ZBTB20: variants seen among roughly 807,000 people sequenced by gnomAD.
ZBTB20 encodes zinc finger and BTB domain containing 20, also known as zinc finger and BTB domain-containing protein 20.
A neutral mutation model predicts 56.9 loss-of-function variants in ZBTB20; 9 were observed. The ratio of observed to expected loss-of-function variants is 0.16; its 90% CI spans 0.10 to 0.28. The LOEUF is 0.28. Among genes scored for constraint, ZBTB20 ranks in the 10% least tolerant of loss-of-function variants. The pLI is 1.00. For synonymous variants in ZBTB20, 417 were observed against 420.7 expected, an observed-to-expected ratio of 0.99 and a Z score of 0.11; for missense variants, 655 against 1,003.0, an observed-to-expected ratio of 0.65 and a Z score of 4.69.
chr3:115,039,291 C>G (rs1471966415), intron 2 of ZBTB20, among the ~76,000 whole-genome samples: 2 of 151,872 alleles, frequency 1.3e-5, no homozygotes, highest in African/African-American at 4.8e-5. Flanking sequence ...TAGAAAGAAT[C>G]AAGGGTATTA....
intron 3 of ZBTB20, among the ~76,000 whole-genome samples, chr3:114,923,647 T>A (rs1371207477): frequency 6.6e-6 from 1 of 152,122 alleles, no homozygotes; most frequent in Non-Finnish European, 1.5e-5. Flanking sequence ...TCCTTGACAT[T>A]GGTCTTGGCA....
intron 2 of ZBTB20, among the ~76,000 whole-genome samples, chr3:115,048,202 G>C (rs1202827113): frequency 6.6e-6 from 1 of 152,130 alleles, no homozygotes; most frequent in African/African-American, 2.4e-5. Context: ...TCCAGCCTGG[G>C]CGACAGAGCG....
chr3:114,832,695 T>G (rs1035014521), intron 4 of ZBTB20, among the ~76,000 whole-genome samples: 3 of 152,172 alleles, frequency 2.0e-5, no homozygotes, highest in Non-Finnish European at 4.4e-5. Flanking sequence ...CTAATTTTTT[T>G]AAATGCACAA....
rs926301242 is a variant in ZBTB20, at chr3:114,324,667, A to C, written c.*14338T>G. On this transcript the variant is annotated 3_prime_UTR_variant, in exon 12 of 12. Transcript: ENST00000675478. ...AGTGAATTATTACAGCAAAATTAAG[A>C]GTCTGCATTGTACCTCTTCTTGTGT... 1.3e-5 allele frequency: 2 copies of C among 152,220 alleles called. No individual in the cohort carries two copies. The highest frequency in any genetic ancestry group is 2.9e-5 in the Non-Finnish European group (2 of 68,032). 9.4% of individuals were successfully genotyped at this position (152,220 alleles called of 1,614,324 possible).
chr3:115,125,807 A>G (rs1003528269), intron 1 of ZBTB20, among the ~76,000 whole-genome samples: 3 of 152,226 alleles, frequency 2.0e-5, no homozygotes, highest in Non-Finnish European at 2.9e-5. Context: ...ATAATGTTGT[A>G]CATTAATGCA....
chr3:114,906,205 T>C (rs911145824), intron 3 of ZBTB20, among the ~76,000 whole-genome samples: 1 of 151,748 alleles, frequency 6.6e-6, no homozygotes, highest in Non-Finnish European at 1.5e-5. Flanking sequence ...AGTTCAAAAA[T>C]ATGAGCAGTA....
At chr3:114,546,789 C>G (rs2049940981) in intron 6 of ZBTB20, among the ~76,000 whole-genome samples, 2 of 151,988 alleles carry the variant, frequency 1.3e-5, no homozygotes, top group African/African-American at 4.8e-5. Flanking sequence ...ACTTATAGAC[C>G]AACACAAAAG....
At chr3:114,522,534 C>A (rs1219771888) in intron 6 of ZBTB20, among the ~76,000 whole-genome samples, 1 of 152,140 alleles carries the variant, frequency 6.6e-6, no homozygotes, top group Non-Finnish European at 1.5e-5. Flanking sequence ...AAGCATCACT[C>A]TGGCTATCAT....
At chr3:114,699,241 C>T (rs755279004) in intron 5 of ZBTB20, among the ~76,000 whole-genome samples, 1 of 152,024 alleles carries the variant, frequency 6.6e-6, no homozygotes, top group East Asian at 1.9e-4. Flanking sequence ...TCCATGGACA[C>T]ATTCTAAAGA....
intron 4 of ZBTB20, among the ~76,000 whole-genome samples, chr3:114,883,916 CTTTTTTTTT>C (rs869141975): frequency 5.6e-5 from 5 of 89,774 alleles, no homozygotes; most frequent in East Asian, 3.9e-4. Flanking sequence ...ATGGTGTGTT[CTTTTTTTTT>C]TTTTTTTTTT....
At position 114,402,269 on chromosome 3, in the gene ZBTB20, CAA is replaced by C. The variant is rs1206573019; in HGVS notation, c.-254-13166_-254-13165del. Among the ~76,000 whole-genome samples, 3 of 152,114 alleles carry C rather than the reference CAA, an allele frequency of 2.0e-5. 1 individual carries two copies. In the South Asian group the frequency reaches 6.2e-4, roughly 32 times the overall value. ...AAGGAGTGATGAGATGGTTATATGT[CAA>C]AATGGCTGTTCTCCCTCCAAACAGG... On this transcript the variant is annotated intron_variant, in intron 7 of 11. Coordinates refer to ENST00000675478, the MANE Select transcript of ZBTB20 (RefSeq NM_001348800.3).
chr3:114,867,997 G>A (rs907995835), intron 4 of ZBTB20, among the ~76,000 whole-genome samples: 2 of 152,090 alleles, frequency 1.3e-5, no homozygotes, highest in African/African-American at 4.8e-5. Flanking sequence ...GGCCAGTATC[G>A]TAACTTCACG....
chr3:114,326,901 G>C lies in ZBTB20; in HGVS notation c.*12104C>G. On this transcript the variant is annotated 3_prime_UTR_variant, in exon 12 of 12. Coordinates refer to ENST00000675478, the MANE Select transcript of ZBTB20 (RefSeq NM_001348800.3). ...TCCTAAGCTATATTTGTAAATTCTAGAGCTACATATCTGTAAAATAAGATG... is the reference window on the plus strand; with the variant it reads ...TCCTAAGCTATATTTGTAAATTCTACAGCTACATATCTGTAAAATAAGATG... 1 of 152,186 alleles carries C rather than the reference G, an allele frequency of 6.6e-6. No individual in the cohort carries two copies. The highest frequency in any genetic ancestry group is 1.5e-5 in the Non-Finnish European group (1 of 68,000). The allele number at this position is 152,186 out of a possible 1,614,324, so 9.4% of individuals were successfully genotyped here. A position where few individuals can be genotyped will look rare whatever the true frequency, so the allele number is the denominator to read the frequency against.
At chr3:114,515,093 T>A (rs923401300) in intron 6 of ZBTB20, among the ~76,000 whole-genome samples, 1 of 152,188 alleles carries the variant, frequency 6.6e-6, no homozygotes. Context: ...TGCCCTGTAA[T>A]GTGTTCATTC....
chr3:114,730,900 A>T (rs2065686528), intron 5 of ZBTB20, among the ~76,000 whole-genome samples: 1 of 152,218 alleles, frequency 6.6e-6, no homozygotes, highest in Non-Finnish European at 1.5e-5. Flanking sequence ...CAGACTATGG[A>T]ACATTCAAGA....
At chr3:114,355,412 G>T (rs1389185341) in intron 10 of ZBTB20, among the ~76,000 whole-genome samples, 1 of 152,026 alleles carries the variant, frequency 6.6e-6, no homozygotes, top group African/African-American at 2.4e-5. Flanking sequence ...TGAGTACACT[G>T]GCCCCACACT....
At chr3:114,618,600 GAATT>G (rs1232689579) in intron 6 of ZBTB20, among the ~76,000 whole-genome samples, 32 of 152,246 alleles carry the variant, frequency 2.1e-4, no homozygotes, top group African/African-American at 6.7e-4. Flanking sequence ...GTGAATGAAT[GAATT>G]AATGTTAAAT....
At chr3:114,730,504 G>A (rs1265930592) in intron 5 of ZBTB20, among the ~76,000 whole-genome samples, 1 of 152,174 alleles carries the variant, frequency 6.6e-6, no homozygotes, top group Admixed American at 6.5e-5. Context: ...TAAGGCCTTT[G>A]AAGAAGTAAT....
intron 1 of ZBTB20, among the ~76,000 whole-genome samples, chr3:115,138,997 T>C (rs1243884117): frequency 6.6e-6 from 1 of 152,000 alleles, no homozygotes; most frequent in Non-Finnish European, 1.5e-5. Context: ...TTTCCATTAT[T>C]TGCATGCATT....
Sources: allele counts gnomAD v4.1 joint callset (sites outside exome capture counted in the v4.1 genomes callset), GRCh38; gene constraint gnomAD v4.1.1; transcripts MANE v1.5; gene names NCBI Gene and HGNC (gene_info 2026-07-23, HGNC 2026-07-21).